ADGRV1: variants seen among roughly 807,000 people sequenced by gnomAD.
ADGRV1 encodes adhesion G protein-coupled receptor V1.
A neutral mutation model predicts 596.2 loss-of-function variants in ADGRV1; 359 were observed. The ratio of observed to expected loss-of-function variants is 0.60; its 90% confidence interval spans 0.55 to 0.66. The LOEUF (loss-of-function observed/expected upper bound fraction) is 0.66. Ranked by LOEUF, ADGRV1 falls within the 30% of genes least tolerant of loss-of-function variation. ADGRV1 has a pLI of 0.00. For synonymous variants in ADGRV1, 2,681 were observed against 2,679.2 expected, an observed-to-expected ratio of 1.00 and a Z score of -0.02; for missense variants, 7,274 against 7,575.6, an observed-to-expected ratio of 0.96 and a Z score of 1.48.
chr5:90,835,632 G>C (rs1215801270), intron 77 of ADGRV1, among the ~76,000 whole-genome samples: 1 of 152,144 alleles, frequency 6.6e-6, no homozygotes, highest in Non-Finnish European at 1.5e-5. Context: ...TTATCTTTAG[G>C]GCAAAAGCAA....
chr5:90,685,628 AAATAAAT>A (rs1476734597), intron 28 of ADGRV1, among the ~76,000 whole-genome samples, 145 bp from the exon 29 acceptor site: 1 of 149,198 alleles, frequency 6.7e-6, no homozygotes, highest in Non-Finnish European at 1.5e-5. Flanking sequence ...ATAAATAAAT[AAATAAAT>A]AAATAAAATA....
chr5:90,683,233 T>G (rs542710096), intron 27 of ADGRV1, among the ~76,000 whole-genome samples: 6 of 152,324 alleles, frequency 3.9e-5, no homozygotes, highest in East Asian at 3.9e-4. Context: ...TTTTAAGAGA[T>G]AGAGTCTTGG....
Position 90,776,433 on chromosome 5 carries a change from C to CTA in ADGRV1, c.12404-16_12404-15dup. The CTA allele has an allele frequency of 6.3e-7, 1 of 1,599,276 alleles. No individual in the cohort carries two copies. The highest frequency in any genetic ancestry group is 8.5e-7 in the Non-Finnish European group (1 of 1,171,324). On this transcript the variant is annotated intron_variant, in intron 60 of 89. Coordinates refer to ENST00000405460, the MANE Select transcript of ADGRV1 (RefSeq NM_032119.4). ...TTATGTGCACCTGCTACAAAGTGGTCTATATCATCTTGAATTTAGGTAGTG... is the reference window on the plus strand; with the variant it reads ...TTATGTGCACCTGCTACAAAGTGGTCTATATATCATCTTGAATTTAGGTAGTG...
intron 45 of ADGRV1, among the ~76,000 whole-genome samples, chr5:90,724,472 A>C (rs554423352): frequency 1.6e-4 from 25 of 152,158 alleles, no homozygotes; most frequent in African/African-American, 5.5e-4. Context: ...CAAGTGATCC[A>C]CCTACCTCGG....
chr5:90,748,813 G>GTTTTTTTTTTTTTTTTTTTTTT (rs10700327), intron 52 of ADGRV1, among the ~76,000 whole-genome samples: 1 of 142,314 alleles, frequency 7.0e-6, no homozygotes, highest in African/African-American at 2.7e-5. Context: ...CTATCATCAA[G>GTTTTTTTTTTTTTTTTTTTTTT]TTTTTTTTTG....
At chr5:91,035,869 A>AATATATATAT (rs1403419588) in intron 85 of ADGRV1, among the ~76,000 whole-genome samples, 6 of 120,534 alleles carry the variant, frequency 5.0e-5, no homozygotes, top group African/African-American at 1.8e-4. Context: ...TATTATATAT[A>AATATATATAT]TATATATATA....
intron 85 of ADGRV1, among the ~76,000 whole-genome samples, chr5:90,989,457 C>T (rs541965675): frequency 1.4e-4 from 21 of 152,242 alleles, no homozygotes; most frequent in African/African-American, 4.6e-4. Flanking sequence ...TCTAATCTAA[C>T]TCCTAAATGT....
intron 38 of ADGRV1, among the ~76,000 whole-genome samples, 188 bp from the exon 39 acceptor site, chr5:90,708,628 T>G (rs373240904): frequency 1.3e-5 from 2 of 152,180 alleles, no homozygotes; most frequent in South Asian, 4.1e-4. Context: ...ACCTAATTAC[T>G]TCCTATACAA....
intron 83 of ADGRV1, among the ~76,000 whole-genome samples, chr5:90,940,556 G>A (rs1385084454): frequency 1.3e-5 from 2 of 152,098 alleles, no homozygotes; most frequent in African/African-American, 4.8e-5. Context: ...TTTGTACCAG[G>A]TATTTTTTTC....
intron 86 of ADGRV1, among the ~76,000 whole-genome samples, chr5:91,074,498 A>G (rs1244452496): frequency 6.6e-6 from 1 of 152,188 alleles, no homozygotes; most frequent in Non-Finnish European, 1.5e-5. Context: ...GCTGCAAAGG[A>G]GATGATCTCG....
Position 90,823,560 on chromosome 5 carries a change from A to G in ADGRV1, c.16332A>G (p.Thr5444=). 1.2e-6 allele frequency: 2 copies of G among 1,613,988 alleles called. No homozygotes were observed. Among genetic ancestry groups the G allele is most frequent in the South Asian group, 1.1e-5 (1 of 91,080 alleles). Residue 5444 remains threonine, a synonymous_variant, in exon 76 of 90, where the codon ACA becomes ACG. Transcript: ENST00000405460. ...SGTTTCTMGQ[T]KCFISIELKP... is the part of the protein sequence containing the mutation. ...CCACAACCTGTACAATGGGTCAAAC[A>G]AAATGCTTTATCAGCATTGAACTCA... is the stretch of plus-strand genomic sequence containing the variant.
chr5:91,131,502 G>A (rs528438080), intron 87 of ADGRV1, among the ~76,000 whole-genome samples: 1 of 151,368 alleles, frequency 6.6e-6, no homozygotes, highest in Non-Finnish European at 1.5e-5. Context: ...CCAAGCTGGA[G>A]TACAGTGGCA....
chr5:91,023,225 T>C (rs1458344158), intron 85 of ADGRV1, among the ~76,000 whole-genome samples: 1 of 152,174 alleles, frequency 6.6e-6, no homozygotes, highest in Non-Finnish European at 1.5e-5. Flanking sequence ...CTCTTGTGAT[T>C]CAAAACACCA....
chr5:90,993,154 C>A (rs1293883447), intron 85 of ADGRV1, among the ~76,000 whole-genome samples: 1 of 97,664 alleles, frequency 1.0e-5, no homozygotes, highest in East Asian at 2.9e-4. Flanking sequence ...TTGGTTTTCA[C>A]TTTTTTTTTT....
chr5:90,779,095 A>T lies in ADGRV1; in HGVS notation c.13080A>T (p.Gly4360=), dbSNP rs1758576003. The T allele has an allele frequency of 6.3e-7, 1 of 1,583,012 alleles. No homozygotes were observed. Among genetic ancestry groups the T allele is most frequent in the Admixed American group, 1.7e-5 (1 of 59,596 alleles). Residue 4360 remains glycine (G), a splice_region_variant and synonymous_variant, in exon 64 of 90, where the codon GGA becomes GGT. Coordinates refer to ENST00000405460, the MANE Select transcript of ADGRV1 (RefSeq NM_032119.4). ...CAATTACAAAGGTGGAACTCCAGGG[A>T]AGGTAAAGGAGAAAGGCAATTAGGA... ...SLTITKVELQ[G]RGYDFTIQEN... is the part of the protein sequence containing the mutation.
chr5:90,817,830 T>G (rs1763056574), intron 75 of ADGRV1, among the ~76,000 whole-genome samples: 1 of 152,208 alleles, frequency 6.6e-6, no homozygotes, highest in African/African-American at 2.4e-5. Context: ...TGTAGTATAG[T>G]TTGAAATCAG....
chr5:91,123,912 A>G (rs1259223438), intron 87 of ADGRV1, among the ~76,000 whole-genome samples: 2 of 152,280 alleles, frequency 1.3e-5, no homozygotes, highest in East Asian at 3.9e-4. Flanking sequence ...CAATAGATAG[A>G]TAATTCAAAT....
intron 85 of ADGRV1, among the ~76,000 whole-genome samples, chr5:91,003,600 G>A (rs1782020800): frequency 6.6e-6 from 1 of 152,132 alleles, no homozygotes; most frequent in Non-Finnish European, 1.5e-5. Flanking sequence ...TTGATAAACA[G>A]GGAGGGAAAT....
At position 90,711,338 on chromosome 5, in the gene ADGRV1, T is replaced by C. The variant is rs1749323531; in HGVS notation, c.9042+16T>C. On this transcript the variant is annotated intron_variant, in intron 41 of 89. Coordinates refer to ENST00000405460, the MANE Select transcript of ADGRV1 (RefSeq NM_032119.4). ...CACCCCAATGGTGGGTCTCAAAATC[T>C]ATCACAGATGACTTTTACAAATTAT... 1 of 1,576,732 alleles carries C rather than the reference T, an allele frequency of 6.3e-7. No individual in the cohort carries two copies.
Sources: gnomAD v4.1 joint callset for allele counts (sites outside exome capture counted in the v4.1 genomes callset) on GRCh38, gnomAD v4.1.1 for gene constraint, MANE v1.5 for transcripts, NCBI Gene and HGNC (gene_info 2026-07-23, HGNC 2026-07-21) for gene names.